Variants in METTL9 observed in about 807,000 individuals in gnomAD.
The protein encoded by METTL9 is methyltransferase 9, His-X-His N1(pi)-histidine, also known as protein-L-histidine N-pros-methyltransferase.
A neutral mutation model predicts 36.0 loss-of-function variants in METTL9; 10 were observed. That is an observed-to-expected ratio of 0.28 (90% confidence interval 0.17 to 0.47). The LOEUF (loss-of-function observed/expected upper bound fraction) is 0.47, where lower values mean the gene tolerates loss of function less well. METTL9 is among the 20% of genes least tolerant of loss of function. METTL9 has a pLI of 0.99. For synonymous variants in METTL9, 175 were observed against 149.7 expected (o/e 1.17, Z -1.23); for missense variants, 246 against 383.5 (o/e 0.64, Z 3.00).
At chr16:21,616,116 G>A (rs879286095) in intron 2 of METTL9, among the ~76,000 whole-genome samples, 1 of 152,182 alleles carries the variant, frequency 6.6e-6, no homozygotes, top group Non-Finnish European at 1.5e-5. Context: ...GCACCGTGTT[G>A]CATGCATCTT....
At chr16:21,608,747 C>T (rs1360845934) in intron 1 of METTL9, among the ~76,000 whole-genome samples, 3 of 152,156 alleles carry the variant, frequency 2.0e-5, no homozygotes, top group African/African-American at 7.2e-5. Context: ...GATCATTTAG[C>T]TCCAAATGTC....
At chr16:21,603,695 A>G (rs1057163052) in intron 1 of METTL9, among the ~76,000 whole-genome samples, 1 of 152,168 alleles carries the variant, frequency 6.6e-6, no homozygotes, top group African/African-American at 2.4e-5. Context: ...CTTGGTAATA[A>G]TAGCGGTTCA....
intron 4 of METTL9, among the ~76,000 whole-genome samples, chr16:21,634,651 A>G (rs1187062922): frequency 6.6e-6 from 1 of 152,002 alleles, no homozygotes; most frequent in Non-Finnish European, 1.5e-5. Flanking sequence ...ATGCCTCCAG[A>G]TTTTGTTCAG....
chr16:21,652,323 A>G (rs1049538552), intron 4 of METTL9: 17 of 458,736 alleles, frequency 3.7e-5, no homozygotes, highest in Non-Finnish European at 6.1e-5. Context: ...AATAGCAAAG[A>G]GACTTTTCAA....
chr16:21,599,874 G>A lies in METTL9; in HGVS notation c.141G>A (p.Ala47=). ...GCCCGGGTGGGCCGGCGGCGGCCGC[G>A]GGCGGCAGGAAGGAGAACCACCAGG... The part of the protein sequence containing the change: ...TSGPGGPAAA[A]GGRKENHQWY... The change falls in exon 1 of 5, where the codon GCG becomes GCA. Residue 47 remains alanine, a synonymous_variant. Coordinates refer to ENST00000358154, the MANE Select transcript of METTL9 (RefSeq NM_016025.5). This position sits in a 1 kb window ranked among gnomAD's most constrained non-coding sequence, Gnocchi z 4.4. 6 of 1,476,242 alleles carry A rather than the reference G, an allele frequency of 4.1e-6. No individual in the cohort carries two copies. Among genetic ancestry groups the A allele is most frequent in the Non-Finnish European group, 5.4e-6 (6 of 1,117,484 alleles). The allele number at this position is 1,476,242 out of a possible 1,614,324, so 91.4% of individuals were successfully genotyped here.
intron 1 of METTL9, among the ~76,000 whole-genome samples, chr16:21,602,665 G>GTTTTTTT (rs11415914): frequency 6.7e-6 from 1 of 149,996 alleles, no homozygotes; most frequent in Non-Finnish European, 1.5e-5. Context: ...CAAATAAAGT[G>GTTTTTTT]TTTTTTTTTT....
intron 3 of METTL9, among the ~76,000 whole-genome samples, chr16:21,622,952 T>G (rs987121645): frequency 2.0e-5 from 3 of 152,234 alleles, no homozygotes; most frequent in African/African-American, 7.2e-5. Flanking sequence ...AATTTGTGTC[T>G]TTAAATTGGC....
rs184018288 is a variant in METTL9, at chr16:21,655,757, C to T, written c.*325C>T. On this transcript the variant is annotated 3_prime_UTR_variant, in exon 5 of 5. Coordinates refer to ENST00000358154, the MANE Select transcript of METTL9 (RefSeq NM_016025.5). ...ACTCATTCCCAGACAAAGCAATAGTCACGACTTCATGGAACCAATCAATGG... is the reference window on the plus strand; with the variant it reads ...ACTCATTCCCAGACAAAGCAATAGTTACGACTTCATGGAACCAATCAATGG... 3 of 229,140 alleles carry T rather than the reference C, an allele frequency of 1.3e-5. No individual in the cohort carries two copies. The Admixed American group carries it at 1.5e-4, about 12-fold the overall frequency. 14.2% of individuals were successfully genotyped at this position (229,140 alleles called of 1,614,324 possible). A position where few individuals can be genotyped will look rare whatever the true frequency, so the allele number is the denominator to read the frequency against.
At chr16:21,623,880 C>T (rs1377025022) in intron 3 of METTL9, among the ~76,000 whole-genome samples, 1 of 152,082 alleles carries the variant, frequency 6.6e-6, no homozygotes, top group Admixed American at 6.6e-5. Flanking sequence ...AAGCGATTCT[C>T]CTACCTCAGC....
At chr16:21,622,142 T>G (rs1025177601) in intron 3 of METTL9, among the ~76,000 whole-genome samples, 1 of 74,192 alleles carries the variant, frequency 1.3e-5, no homozygotes, top group African/African-American at 6.4e-5. Flanking sequence ...ATGCCTGGCC[T>G]TTTTTTTTTT....
At chr16:21,624,453 G>A (rs896175511) in intron 3 of METTL9, among the ~76,000 whole-genome samples, 16 of 152,026 alleles carry the variant, frequency 1.1e-4, no homozygotes, top group African/African-American at 3.6e-4. Context: ...TGGGCCAGTC[G>A]TGGTAGCTCA....
At chr16:21,611,522 A>G (rs1363928595) in intron 1 of METTL9, among the ~76,000 whole-genome samples, 1 of 152,214 alleles carries the variant, frequency 6.6e-6, no homozygotes, top group Non-Finnish European at 1.5e-5. Flanking sequence ...TTGTAGTTTC[A>G]TCACTGTACT....
chr16:21,609,633 G>A (rs1311547996), intron 1 of METTL9, among the ~76,000 whole-genome samples: 1 of 152,072 alleles, frequency 6.6e-6, no homozygotes, highest in Non-Finnish European at 1.5e-5. Flanking sequence ...AATACCATGT[G>A]AGACAGCCAC....
chr16:21,632,259 C>T (rs992787687), intron 4 of METTL9, among the ~76,000 whole-genome samples: 2 of 152,238 alleles, frequency 1.3e-5, no homozygotes, highest in African/African-American at 4.8e-5. Flanking sequence ...AGCATACTTG[C>T]TATCTGTATA....
chr16:21,600,624 G>A (rs1057408355), intron 1 of METTL9, among the ~76,000 whole-genome samples: 1 of 152,080 alleles, frequency 6.6e-6, no homozygotes, highest in Non-Finnish European at 1.5e-5. Context: ...GGGACGGGAG[G>A]GAGTTTTAGT....
intron 1 of METTL9, among the ~76,000 whole-genome samples, chr16:21,603,416 G>A (rs1006418997): frequency 5.3e-5 from 8 of 152,158 alleles, no homozygotes; most frequent in African/African-American, 1.9e-4. Flanking sequence ...TGGAATTACA[G>A]GAGTGAGCCA....
intron 1 of METTL9, among the ~76,000 whole-genome samples, chr16:21,606,057 ACAG>A (rs1234666511): frequency 6.6e-6 from 1 of 151,932 alleles, no homozygotes; most frequent in Non-Finnish European, 1.5e-5. Flanking sequence ...TTAGGAAAAC[ACAG>A]GTGCGGTGGC....
intron 4 of METTL9, among the ~76,000 whole-genome samples, chr16:21,649,623 G>A (rs1966517074): frequency 6.6e-6 from 1 of 152,172 alleles, no homozygotes; most frequent in Non-Finnish European, 1.5e-5. Flanking sequence ...GTTAAGCACT[G>A]TCTCAGTCTC....
Position 21,652,512 on chromosome 16 carries a change from G to A in METTL9, c.752-2715G>A, listed in dbSNP as rs772795315. On this transcript the variant is annotated intron_variant, in intron 4 of 4. Transcript: ENST00000358154. ...AGTTGATTTAAATAAAATGAAGGAG[G>A]AGAAGAAAAAGAACCTTACCGACAC... The A allele has an allele frequency of 2.8e-5, 44 of 1,586,846 alleles. 1 individual carries two copies. In the South Asian group the frequency reaches 4.6e-4, roughly 16 times the overall value.
Sources: gnomAD v4.1 joint callset for allele counts (sites outside exome capture counted in the v4.1 genomes callset) on GRCh38, gnomAD v4.1.1 for gene constraint, Gnocchi (gnomAD v3.1) non-coding constraint, MANE v1.5 for transcripts, NCBI Gene and HGNC (gene_info 2026-07-23, HGNC 2026-07-21) for gene names.